The following MYT1L variants were observed in gnomAD, a reference collection of about 807,000 sequenced individuals.
The protein encoded by MYT1L is myelin transcription factor 1 like, also known as myelin transcription factor 1-like protein.
A neutral mutation model predicts 126.7 loss-of-function variants in MYT1L; 12 were observed. The ratio of observed to expected loss-of-function variants is 0.09; its 90% CI spans 0.06 to 0.15. The LOEUF is 0.15. MYT1L is among the 10% of genes least tolerant of loss of function. MYT1L has a pLI of 1.00. For synonymous variants in MYT1L, 541 were observed against 604.2 expected (o/e 0.90, Z 1.53); for missense variants, 979 against 1,585.2 (o/e 0.62, Z 6.49).
At chr2:1,829,350 C>T (rs112654070) in intron 21 of MYT1L, among the ~76,000 whole-genome samples, 15 of 45,038 alleles carry the variant, frequency 3.3e-4, no homozygotes, top group African/African-American at 1.2e-3. Flanking sequence ...TGAACTGACC[C>T]TCCCATACAC....
Position 2,269,971 on chromosome 2 carries a change from G to A in MYT1L, c.-421+14433C>T, listed in dbSNP as rs536049492. ...TATACAACATAGCACATGGGCTGTG[G>A]ACTAATGTTTGTGTCTCTCCACAAT... On this transcript the variant is annotated intron_variant, in intron 2 of 24. Coordinates refer to ENST00000647738, the MANE Select transcript of MYT1L (RefSeq NM_001303052.2). 2.5e-4 allele frequency among the ~76,000 whole-genome samples: 38 copies of A among 152,310 alleles called. No homozygotes were observed. The South Asian group carries it at 7.9e-3, about 32-fold the overall frequency.
intron 18 of MYT1L, among the ~76,000 whole-genome samples, chr2:1,867,277 G>A (rs1452127368): frequency 1.3e-5 from 2 of 152,122 alleles, no homozygotes; most frequent in South Asian, 2.1e-4. Context: ...GAAATGAACC[G>A]AGGGTCACCC....
chr2:1,802,057 C>A, intron 22 of MYT1L: 1 of 351,282 alleles, frequency 2.8e-6, no homozygotes, highest in South Asian at 3.9e-5. Flanking sequence ...CTTTGAGGGT[C>A]GAGCTCCCAG....
At chr2:2,108,120 C>T (rs1043923252) in intron 3 of MYT1L, among the ~76,000 whole-genome samples, 1 of 152,134 alleles carries the variant, frequency 6.6e-6, no homozygotes, top group Non-Finnish European at 1.5e-5. Context: ...AAAATCAAAG[C>T]CCCCTTATTC....
At chr2:1,967,731 G>C (rs1318575986) in intron 8 of MYT1L, among the ~76,000 whole-genome samples, 1 of 152,142 alleles carries the variant, frequency 6.6e-6, no homozygotes, top group Non-Finnish European at 1.5e-5. Flanking sequence ...ATGGGGGGAG[G>C]GTGTGGCCAA....
intron 5 of MYT1L, among the ~76,000 whole-genome samples, chr2:1,987,154 A>C (rs1326505769): frequency 1.3e-5 from 2 of 152,138 alleles, no homozygotes; most frequent in African/African-American, 4.8e-5. Context: ...AGAAAATTCA[A>C]AGAATCAGAA....
In MYT1L at chr2:2,309,441, G is replaced by A. The variant is rs1306357867; in HGVS notation, c.-521+21526C>T. Among the ~76,000 whole-genome samples the A allele has an allele frequency of 2.6e-5, 4 of 151,406 alleles. No individual in the cohort carries two copies. In the East Asian group the frequency reaches 5.9e-4, roughly 22 times the overall value. On this transcript the variant is annotated intron_variant, in intron 1 of 24. Transcript: ENST00000647738. ...TTCTCTATGCTTCATCTGCACTTTG[G>A]TATACTCTACATAGACTCCACCTAC...
chr2:2,298,489 C>A (rs1427637363), intron 1 of MYT1L, among the ~76,000 whole-genome samples: 1 of 152,122 alleles, frequency 6.6e-6, no homozygotes, highest in African/African-American at 2.4e-5. Context: ...AAGAAGCAGG[C>A]CACAACAGCA....
At chr2:2,327,961 A>C (rs574700497) in intron 1 of MYT1L, among the ~76,000 whole-genome samples, 2 of 152,328 alleles carry the variant, frequency 1.3e-5, no homozygotes, top group East Asian at 3.9e-4. Context: ...TCTCTCCCTC[A>C]AATTAAATTG....
At chr2:1,850,168 TC>T (rs1327143752) in intron 19 of MYT1L, among the ~76,000 whole-genome samples, 6 of 110,708 alleles carry the variant, frequency 5.4e-5, no homozygotes, top group Non-Finnish European at 9.2e-5. Context: ...TCCCTTCCCT[TC>T]CCCTCCCCCT....
intron 14 of MYT1L, among the ~76,000 whole-genome samples, chr2:1,898,504 C>T (rs2049912157): frequency 6.6e-6 from 1 of 152,230 alleles, no homozygotes; most frequent in South Asian, 2.1e-4. Context: ...GCTCTCTTTT[C>T]CTCAGTGTCC....
Position 1,922,306 on chromosome 2 carries a change from T to C in MYT1L, c.1463A>G (p.Lys488Arg). 1 of 1,613,892 alleles carries C rather than the reference T, an allele frequency of 6.2e-7. No individual in the cohort carries two copies. Among genetic ancestry groups the C allele is most frequent in the South Asian group, 1.1e-5 (1 of 91,066 alleles). Residue 488 changes from lysine to arginine, a missense_variant, in exon 10 of 25, where the codon AAA becomes AGA. Physicochemically the swap from Lys to Arg is conservative, Grantham distance 26 (BLOSUM62 2). Coordinates refer to ENST00000647738, the MANE Select transcript of MYT1L (RefSeq NM_001303052.2). This position sits in a 1 kb window ranked among gnomAD's most constrained non-coding sequence, Gnocchi z 7.4. ...ATTACCTTTACCATAGTATGGCTTT[T>C]TGACATGGCTGTCACTGGATTTAGG... Reference protein sequence around the residue: ...RKPKSSDSHVKKPYYGKDPSR... With the variant: ...RKPKSSDSHVRKPYYGKDPSR...
chr2:1,830,371 C>T (rs1047721815), intron 21 of MYT1L, among the ~76,000 whole-genome samples: 4 of 152,144 alleles, frequency 2.6e-5, no homozygotes, highest in East Asian at 1.9e-4. Context: ...GGTTGGTATG[C>T]GGAGGTGCTT....
chr2:2,278,255 C>T (rs566527648), intron 2 of MYT1L, among the ~76,000 whole-genome samples: 31 of 152,128 alleles, frequency 2.0e-4, no homozygotes, highest in South Asian at 8.3e-4. Context: ...GAGGTCCAGG[C>T]TACTATTATC....
At chr2:1,817,974 C>G (rs943966599) in intron 21 of MYT1L, among the ~76,000 whole-genome samples, 3 of 152,200 alleles carry the variant, frequency 2.0e-5, no homozygotes, top group Non-Finnish European at 4.4e-5. Flanking sequence ...CTGCTCCACC[C>G]GCTTGCCCCA....
chr2:2,148,488 C>T (rs753139592), intron 3 of MYT1L, among the ~76,000 whole-genome samples: 22 of 152,080 alleles, frequency 1.4e-4, no homozygotes, highest in Admixed American at 3.3e-4. Context: ...TAACAGGCCA[C>T]GGATAGGTAG....
intron 18 of MYT1L, among the ~76,000 whole-genome samples, chr2:1,861,729 CTGTGTG>C (rs2044658021): frequency 6.6e-6 from 1 of 152,178 alleles, no homozygotes; most frequent in Non-Finnish European, 1.5e-5. Flanking sequence ...AATCCTGGAT[CTGTGTG>C]CAGCCTGTGT....
intron 2 of MYT1L, among the ~76,000 whole-genome samples, chr2:2,206,180 G>T (rs887219045): frequency 1.3e-5 from 2 of 151,912 alleles, no homozygotes; most frequent in Non-Finnish European, 2.9e-5. Flanking sequence ...GTTTCACCTT[G>T]TTGGCCAGGC....
intron 3 of MYT1L, among the ~76,000 whole-genome samples, chr2:2,128,794 C>T (rs564487467): frequency 6.6e-6 from 1 of 152,218 alleles, no homozygotes; most frequent in South Asian, 2.1e-4. Flanking sequence ...ATGTTAATAA[C>T]ACTGCATTGA....
Sources: allele counts gnomAD v4.1 joint callset (sites outside exome capture counted in the v4.1 genomes callset), GRCh38; gene constraint gnomAD v4.1.1; non-coding constraint Gnocchi (gnomAD v3.1); transcripts MANE v1.5; gene names NCBI Gene and HGNC (gene_info 2026-07-23, HGNC 2026-07-21).